Variants in SH3RF3 observed in about 807,000 individuals in gnomAD.
SH3RF3 encodes SH3 domain containing ring finger 3.
SH3RF3 carries 29 observed loss-of-function variants against 66.3 expected under a neutral mutation model. That is an observed-to-expected ratio of 0.44 (90% CI 0.33 to 0.60). The LOEUF is 0.60. SH3RF3 is among the 20% of genes least tolerant of loss of function. The pLI is 0.04. For missense variants in SH3RF3, 1,194 were observed against 1,190.9 expected, an observed-to-expected ratio of 1.00 and a Z score of -0.04; for synonymous variants, 583 against 532.0, an observed-to-expected ratio of 1.10 and a Z score of -1.32.
intron 8 of SH3RF3, among the ~76,000 whole-genome samples, chr2:109,456,452 G>A (rs760648833): frequency 4.6e-5 from 7 of 152,234 alleles, no homozygotes; most frequent in Non-Finnish European, 1.0e-4. Flanking sequence ...CTGGAGCATC[G>A]CTTCACTGGT....
At chr2:109,461,877 A>G (rs1324982572) in intron 8 of SH3RF3, among the ~76,000 whole-genome samples, 1 of 152,150 alleles carries the variant, frequency 6.6e-6, no homozygotes, top group Non-Finnish European at 1.5e-5. Flanking sequence ...AAATAGGCCA[A>G]ATTAATACAC....
At chr2:109,273,306 CAG>C (rs1455553295) in intron 1 of SH3RF3, among the ~76,000 whole-genome samples, 1 of 152,196 alleles carries the variant, frequency 6.6e-6, no homozygotes, top group African/African-American at 2.4e-5. Context: ...GCCCTGGAGG[CAG>C]AGTCTTCCTG....
At chr2:109,221,081 T>A (rs535049381) in intron 1 of SH3RF3, among the ~76,000 whole-genome samples, 1 of 152,210 alleles carries the variant, frequency 6.6e-6, no homozygotes, top group South Asian at 2.1e-4. Flanking sequence ...TAGAAAGAAA[T>A]GAAGTTATGA....
intron 4 of SH3RF3, among the ~76,000 whole-genome samples, chr2:109,405,409 T>C (rs1349358901): frequency 6.6e-6 from 1 of 152,194 alleles, no homozygotes; most frequent in East Asian, 1.9e-4. Flanking sequence ...TGGAAGGTTC[T>C]GGGGAGCCTT....
Position 109,432,565 on chromosome 2 carries a change from A to T in SH3RF3, c.1468A>T (p.Met490Leu). ...SDELELHKGE[M>L]YRVLEKCQDG... ...CGAGCTGGAGCTGCACAAGGGAGAG[A>T]TGTACCGGGTCCTCGAGAAGTGTCA... Residue 490 changes from methionine (M) to leucine (L), a missense_variant, in exon 6 of 10, where the codon ATG becomes TTG. Met to Leu is a conservative substitution (Grantham distance 15). Transcript: ENST00000309415. 1.2e-6 allele frequency: 2 copies of T among 1,613,636 alleles called. No individual in the cohort carries two copies. The highest frequency in any genetic ancestry group is 8.5e-7 in the Non-Finnish European group (1 of 1,179,800).
At chr2:109,438,546 A>G (rs922149130) in intron 7 of SH3RF3, among the ~76,000 whole-genome samples, 1 of 152,188 alleles carries the variant, frequency 6.6e-6, no homozygotes, top group Non-Finnish European at 1.5e-5. Flanking sequence ...GTAAGTCTCT[A>G]CTAGTATCTT....
chr2:109,202,076 G>T (rs1453984556), intron 1 of SH3RF3, among the ~76,000 whole-genome samples: 1 of 151,726 alleles, frequency 6.6e-6, no homozygotes. Flanking sequence ...CAGCTGGCAG[G>T]AGGCACACAG....
chr2:109,183,466 C>T (rs980859730), intron 1 of SH3RF3, among the ~76,000 whole-genome samples: 7 of 152,150 alleles, frequency 4.6e-5, no homozygotes, highest in Admixed American at 4.6e-4. Context: ...CAGTAAAGAT[C>T]TGGAAATTGA....
At position 109,398,846 on chromosome 2, in the gene SH3RF3, T is replaced by C; in HGVS notation, c.1202T>C (p.Met401Thr). 1 of 1,613,944 alleles carries C rather than the reference T, an allele frequency of 6.2e-7. No individual in the cohort carries two copies. Among genetic ancestry groups the C allele is most frequent in the East Asian group, 2.2e-5 (1 of 44,880 alleles). Residue 401 changes from methionine (M) to threonine (T), a missense_variant, in exon 4 of 10, where the codon ATG (methionine) becomes ACG (threonine). Physicochemically the swap from Met to Thr is moderately conservative, Grantham distance 81 (BLOSUM62 -1). Coordinates refer to ENST00000309415, the MANE Select transcript of SH3RF3 (RefSeq NM_001099289.3). ...CAGGCTGCCAGCCACAGGCATTCCA[T>C]GGAAATTAGTGCTCCAGTGTTGATC... ...SSQAASHRHS[M>T]EISAPVLISS...
intron 9 of SH3RF3, among the ~76,000 whole-genome samples, chr2:109,491,424 G>A (rs1558644005): frequency 6.6e-6 from 1 of 152,162 alleles, no homozygotes; most frequent in Non-Finnish European, 1.5e-5. Context: ...GAATTATCAT[G>A]GCTTCAAGGG....
intron 9 of SH3RF3, among the ~76,000 whole-genome samples, chr2:109,492,102 G>A (rs1301393515): frequency 1.3e-5 from 2 of 152,208 alleles, no homozygotes; most frequent in Non-Finnish European, 1.5e-5. Context: ...CCTTCACGGT[G>A]GAAGCGTGGC....
intron 1 of SH3RF3, among the ~76,000 whole-genome samples, chr2:109,151,163 C>G (rs923397635): frequency 2.6e-5 from 4 of 152,156 alleles, no homozygotes; most frequent in African/African-American, 9.7e-5. Context: ...GTTCTTGATT[C>G]ACAAAGTGCA....
intron 4 of SH3RF3, among the ~76,000 whole-genome samples, chr2:109,402,956 A>T (rs1559064763): frequency 1.3e-5 from 2 of 152,202 alleles, no homozygotes; most frequent in South Asian, 2.1e-4. Flanking sequence ...CTTGCTGGGC[A>T]CTGTGCTGTC....
intron 1 of SH3RF3, among the ~76,000 whole-genome samples, chr2:109,142,943 A>G (rs1314402197): frequency 6.6e-6 from 1 of 152,094 alleles, no homozygotes; most frequent in Admixed American, 6.5e-5. Context: ...GATACAGCAC[A>G]TGGGTGGTAG....
chr2:109,355,991 T>C (rs1361395821), intron 2 of SH3RF3, among the ~76,000 whole-genome samples: 1 of 152,188 alleles, frequency 6.6e-6, no homozygotes, highest in Non-Finnish European at 1.5e-5. Context: ...GGAGAATCAT[T>C]ATTGTTTCCA....
intron 1 of SH3RF3, among the ~76,000 whole-genome samples, chr2:109,278,410 A>G (rs1330007922): frequency 6.6e-6 from 1 of 152,180 alleles, no homozygotes; most frequent in Non-Finnish European, 1.5e-5. Context: ...GAATGGGATA[A>G]TTTCATCTAA....
In SH3RF3 at chr2:109,413,875, A is replaced by G. The variant is rs76256617; in HGVS notation, c.1300-5664A>G. 7.2e-3 allele frequency among the ~76,000 whole-genome samples: 1,094 copies of G among 152,324 alleles called. 11 individuals carry two copies. Among genetic ancestry groups the G allele is most frequent in the Non-Finnish European group, 0.012 (848 of 68,030 alleles). On this transcript the variant is annotated intron_variant, in intron 4 of 9. Coordinates refer to ENST00000309415, the MANE Select transcript of SH3RF3 (RefSeq NM_001099289.3). ...AGCACACTGGGGTCTTCCGCATCCC[A>G]TGAGTGGGATCAAGAGGTGTAACTC...
chr2:109,357,259 G>A (rs1232353664), intron 2 of SH3RF3, among the ~76,000 whole-genome samples: 1 of 151,708 alleles, frequency 6.6e-6, no homozygotes. Flanking sequence ...TCGGCTTGCT[G>A]CAAGCTCCGC....
chr2:109,457,336 A>G (rs1678087486), intron 8 of SH3RF3, among the ~76,000 whole-genome samples: 3 of 152,244 alleles, frequency 2.0e-5, no homozygotes. Flanking sequence ...TGTTATATGA[A>G]CAATGAAGGG....
Sources: gnomAD v4.1 joint callset for allele counts (sites outside exome capture counted in the v4.1 genomes callset) on GRCh38, gnomAD v4.1.1 for gene constraint, MANE v1.5 for transcripts, NCBI Gene and HGNC (gene_info 2026-07-23, HGNC 2026-07-21) for gene names.